The following NUP133 variants were observed in gnomAD, a reference collection of about 807,000 sequenced individuals.
The protein encoded by NUP133 is nucleoporin 133.
In NUP133, 66 loss-of-function variants were observed where a neutral mutation model predicts 146.2. The observed-to-expected ratio is 0.45, with a 90% CI of 0.37 to 0.55. The LOEUF (loss-of-function observed/expected upper bound fraction) is 0.55, where lower values mean the gene tolerates loss of function less well. Ranked by LOEUF, NUP133 falls within the 20% of genes least tolerant of loss-of-function variation. The pLI, the probability that NUP133 is intolerant of heterozygous loss-of-function variation, is 0.00. For synonymous variants in NUP133, 521 were observed against 498.8 expected (o/e 1.04, Z -0.59); for missense variants, 1,277 against 1,374.8 (o/e 0.93, Z 1.12).
At chr1:229,505,564 TAAAA>T (rs56383157) in intron 2 of NUP133, among the ~76,000 whole-genome samples, 798 of 63,180 alleles carry the variant, frequency 0.013, 7 homozygotes, top group African/African-American at 0.044. Context: ...CAATTACAGT[TAAAA>T]AAAAAAAAAA....
intron 23 of NUP133, 91 bp downstream of exon 23, chr1:229,450,433 TA>T: frequency 1.6e-6 from 1 of 615,272 alleles, no homozygotes; most frequent in Non-Finnish European, 2.8e-6. Context: ...CTTTTTTGCT[TA>T]ATTCATTTTC....
intron 19 of NUP133, among the ~76,000 whole-genome samples, chr1:229,461,488 C>G (rs957357563): frequency 6.6e-6 from 1 of 152,228 alleles, no homozygotes; most frequent in African/African-American, 2.4e-5. Context: ...TGGGCCACCT[C>G]TATTCCTAAT....
At chr1:229,460,584 T>A (rs1347833805) in intron 20 of NUP133, 27 bp downstream of exon 20, 1 of 1,605,350 alleles carries the variant, frequency 6.2e-7, no homozygotes, top group Non-Finnish European at 8.5e-7. Context: ...ATTGCACACA[T>A]CTGCTCCATA....
At chr1:229,470,149 G>C (rs1271232791) in intron 15 of NUP133, among the ~76,000 whole-genome samples, 1 of 151,920 alleles carries the variant, frequency 6.6e-6, no homozygotes, top group Non-Finnish European at 1.5e-5. Flanking sequence ...CTGAGGTCAG[G>C]AGTTCGACAT....
chr1:229,459,051 A>G (rs938367218), intron 20 of NUP133, among the ~76,000 whole-genome samples: 1 of 152,212 alleles, frequency 6.6e-6, no homozygotes, highest in Non-Finnish European at 1.5e-5. Flanking sequence ...ATATTTATGG[A>G]TACACAGTAA....
chr1:229,468,499 C>A (rs922919983), intron 15 of NUP133, among the ~76,000 whole-genome samples: 1 of 152,080 alleles, frequency 6.6e-6, no homozygotes, highest in African/African-American at 2.4e-5. Flanking sequence ...TACCATTTTT[C>A]ATATGGAACA....
intron 12 of NUP133, among the ~76,000 whole-genome samples, chr1:229,482,990 C>T (rs984658475): frequency 6.6e-6 from 1 of 152,190 alleles, no homozygotes; most frequent in East Asian, 1.9e-4. Flanking sequence ...AAAACTGCCC[C>T]GAGTCCAGCC....
At chr1:229,474,178 C>T (rs562906332) in intron 14 of NUP133, among the ~76,000 whole-genome samples, 4 of 152,248 alleles carry the variant, frequency 2.6e-5, no homozygotes, top group East Asian at 1.9e-4. Flanking sequence ...TGCCAGAAAG[C>T]GGGAAGAGGC....
At position 229,441,202 on chromosome 1, in the gene NUP133, G is replaced by A; in HGVS notation, c.*702C>T. The A allele has an allele frequency of 3.0e-6, 1 of 333,270 alleles. No homozygotes were observed. The highest frequency in any genetic ancestry group is 5.9e-6 in the Non-Finnish European group (1 of 168,698). 20.6% of individuals were successfully genotyped at this position (333,270 alleles called of 1,614,324 possible). On this transcript the variant is annotated 3_prime_UTR_variant, in exon 26 of 26. Transcript: ENST00000261396. ...ATGAGTCATTCTGAAAATACATGAGGCTGGCTGAATCCCCACACTGAAAGA... is the reference window on the plus strand; with the variant it reads ...ATGAGTCATTCTGAAAATACATGAGACTGGCTGAATCCCCACACTGAAAGA...
chr1:229,460,738 A>C lies in NUP133; in HGVS notation c.2717T>G (p.Leu906Arg). ...NFSDFLFRWY[L>R]EKGKRGKLLS... ...TAATTTGCCTCGCTTTCCTTTCTCC[A>C]GATACCAACGGAAGAGAAAGTCTGA... The change falls in exon 20 of 26, where the codon CTG (leucine) becomes CGG (arginine). Residue 906 changes from leucine to arginine, a missense_variant. Leu to Arg is a moderately radical substitution (Grantham distance 102). This residue lies in a region of NUP133 where 952 missense variants were observed against 1,047.0 expected (regional missense o/e 0.91). Coordinates refer to ENST00000261396, the MANE Select transcript of NUP133 (RefSeq NM_018230.3). 6.2e-7 allele frequency: 1 copy of C among 1,613,388 alleles called. No homozygotes were observed. The highest frequency in any genetic ancestry group is 8.5e-7 in the Non-Finnish European group (1 of 1,179,674).
intron 7 of NUP133, 123 bp from the exon 8 acceptor site, chr1:229,495,688 TAA>T (rs539398161): frequency 9.3e-6 from 7 of 755,402 alleles, no homozygotes; most frequent in African/African-American, 1.8e-5. Flanking sequence ...ATGTATACAT[TAA>T]AAAAAAAATC....
At chr1:229,463,392 G>A (rs1044926484) in intron 19 of NUP133, 151 bp downstream of exon 19, 19 of 877,982 alleles carry the variant, frequency 2.2e-5, no homozygotes, top group East Asian at 3.0e-5. Flanking sequence ...ACAAAGAAAC[G>A]CGACATACAA....
chr1:229,442,849 G>A (rs1195027666), intron 25 of NUP133, among the ~76,000 whole-genome samples: 1 of 151,694 alleles, frequency 6.6e-6, no homozygotes, highest in African/African-American at 2.4e-5. Context: ...AGGATTACAG[G>A]TGCCCACCAC....
intron 16 of NUP133, 140 bp from the exon 17 acceptor site, chr1:229,465,659 G>C: frequency 1.5e-6 from 1 of 682,312 alleles, no homozygotes; most frequent in Non-Finnish European, 2.6e-6. Context: ...TGTAATCCCA[G>C]TGCTTTGGGA....
intron 21 of NUP133, 47 bp downstream of exon 21, chr1:229,458,114 T>C (rs1475705824): frequency 3.8e-6 from 6 of 1,588,190 alleles, no homozygotes; most frequent in Non-Finnish European, 4.3e-6. Context: ...CATGAGTTAA[T>C]TGATGGCATG....
chr1:229,459,869 T>C (rs1244629176), intron 20 of NUP133, among the ~76,000 whole-genome samples: 1 of 152,208 alleles, frequency 6.6e-6, no homozygotes, highest in Non-Finnish European at 1.5e-5. Context: ...CTCCTCTGGA[T>C]ATATACTCAC....
intron 17 of NUP133, among the ~76,000 whole-genome samples, 153 bp downstream of exon 17, chr1:229,465,267 C>T (rs10916483): frequency 2.0e-5 from 3 of 152,022 alleles, no homozygotes; most frequent in Non-Finnish European, 4.4e-5. Context: ...GAGCAAGGGA[C>T]GAATAAAGTG....
chr1:229,477,747 G>A lies in NUP133; in HGVS notation c.1606C>T (p.His536Tyr), dbSNP rs770391487. The A allele has an allele frequency of 6.2e-7, 1 of 1,604,712 alleles. No individual in the cohort carries two copies. The change falls in exon 13 of 26, where the codon CAT (histidine) becomes TAT (tyrosine). Residue 536 changes from histidine to tyrosine, a missense_variant. His to Tyr is a moderately conservative substitution (Grantham distance 83). Coordinates refer to ENST00000261396, the MANE Select transcript of NUP133 (RefSeq NM_018230.3). ...FLQYCRKDLGHAQMVVDELFS... is the reference protein window; with the variant it reads ...FLQYCRKDLGYAQMVVDELFS... ...AGCTCATCAACCACCATTTGAGCAT[G>A]ACCTAAATCTTTTCTGAAATAAAAT...
rs754092961 is a variant in NUP133 at position 229,486,504 on chromosome 1, G to A, written c.1367C>T (p.Ala456Val). 3 of 1,607,604 alleles carry A rather than the reference G, an allele frequency of 1.9e-6. No homozygotes were observed. Among genetic ancestry groups the A allele is most frequent in the South Asian group, 2.2e-5 (2 of 89,602 alleles). Residue 456 changes from alanine (A) to valine (V), a missense_variant, in exon 11 of 26, where the codon GCC becomes GTC. Coordinates refer to ENST00000261396, the MANE Select transcript of NUP133 (RefSeq NM_018230.3). ...AAAAATGATAGGAACACCACCACAGGCACCAGCACCTAAAACACTATCTCC... is the reference window on the plus strand; with the variant it reads ...AAAAATGATAGGAACACCACCACAGACACCAGCACCTAAAACACTATCTCC... The part of the protein sequence containing the change: ...AQGDSVLGAG[A>V]CGGVPIIFSR...
Sources: gnomAD v4.1 joint callset for allele counts (sites outside exome capture counted in the v4.1 genomes callset) on GRCh38, gnomAD v4.1.1 for gene constraint, gnomAD v4.1.1 regional missense constraint, MANE v1.5 for transcripts, NCBI Gene and HGNC (gene_info 2026-07-23, HGNC 2026-07-21) for gene names.